The following MYO9A variants were observed in gnomAD, a reference collection of about 807,000 sequenced individuals.
MYO9A encodes myosin IXA.
Under a neutral mutation model 293.3 loss-of-function variants are expected in MYO9A, and 103 were observed. The observed-to-expected ratio is 0.35, with a 90% CI of 0.30 to 0.41. MYO9A has a LOEUF of 0.41. MYO9A is among the 10% of genes least tolerant of loss of function. The pLI, the probability that MYO9A is intolerant of heterozygous loss-of-function variation, is 1.00. For missense variants in MYO9A, 2,685 were observed against 3,033.0 expected, an observed-to-expected ratio of 0.89 and a Z score of 2.69; for synonymous variants, 1,001 against 1,035.7, an observed-to-expected ratio of 0.97 and a Z score of 0.64.
intron 1 of MYO9A, among the ~76,000 whole-genome samples, chr15:72,047,457 C>T (rs1008483418): frequency 6.6e-6 from 1 of 152,152 alleles, no homozygotes; most frequent in African/African-American, 2.4e-5. Flanking sequence ...GTATATTACA[C>T]TTCTAGAAGA....
intron 8 of MYO9A, among the ~76,000 whole-genome samples, chr15:72,004,778 A>G (rs2076971450): frequency 6.6e-6 from 1 of 152,230 alleles, no homozygotes; most frequent in South Asian, 2.1e-4. Context: ...AATAGGCATT[A>G]GTAAAGGCTC....
At chr15:72,093,382 A>T (rs1463447580) in intron 1 of MYO9A, among the ~76,000 whole-genome samples, 4 of 151,800 alleles carry the variant, frequency 2.6e-5, no homozygotes, top group Admixed American at 6.6e-5. Context: ...AAAATAAAAT[A>T]AAAAATAGCT....
chr15:71,850,765 C>CAAAAAAAAAAAAAAAAAAAAAAAA (rs780727961), intron 37 of MYO9A, among the ~76,000 whole-genome samples: 2 of 44,124 alleles, frequency 4.5e-5, no homozygotes, highest in African/African-American at 2.0e-4. Flanking sequence ...AACTGTGTCT[C>CAAAAAAAAAAAAAAAAAAAAAAAA]AAAAAAAAAA....
At position 71,897,550 on chromosome 15, in the gene MYO9A, C is replaced by A; in HGVS notation, c.4953G>T (p.Gln1651His). The A allele has an allele frequency of 6.2e-7, 1 of 1,614,152 alleles. No homozygotes were observed. Among genetic ancestry groups the A allele is most frequent in the African/African-American group, 1.3e-5 (1 of 75,034 alleles). Residue 1651 changes from glutamine to histidine, a missense_variant, in exon 25 of 42, where the codon CAG becomes CAT. Gln to His is a conservative substitution (Grantham distance 24). Transcript: ENST00000356056. ...ISKREHFRPT[Q>H]SYSHNSDDLS... ...GGTCATCAGAATTGTGGCTGTAAGA[C>A]TGAGTTGGCCTAAAGTGTTCTCTTT...
chr15:71,935,123 T>C (rs2058600984), intron 17 of MYO9A: 1 of 454,310 alleles, frequency 2.2e-6, no homozygotes. Context: ...CTCCTGGTAA[T>C]ATGGGGGAGA....
intron 15 of MYO9A, among the ~76,000 whole-genome samples, chr15:71,939,875 A>G (rs1254232037): frequency 2.0e-5 from 3 of 152,214 alleles, no homozygotes; most frequent in Non-Finnish European, 4.4e-5. Flanking sequence ...ATCCTATGGA[A>G]TAATTTAAAA....
chr15:71,943,163 T>C (rs1020007623), intron 15 of MYO9A, among the ~76,000 whole-genome samples: 1 of 152,032 alleles, frequency 6.6e-6, no homozygotes, highest in African/African-American at 2.4e-5. Context: ...TTTTCATTTA[T>C]TTCACTCTTT....
rs752211748 is a variant in MYO9A, at chr15:71,830,149, T to A, written c.7000A>T (p.Arg2334Ter). ...TTCTCAATCTGCTCAGTCAGTACTC[T>A]CTCCTCCTGCTGCATAGCTGCTTGC... ...QQQAAMQQEE[R>*]VLTEQIENLQ... The change falls in exon 40 of 42, where the codon AGA (arginine) becomes TGA (stop). Residue 2334 changes from arginine to a stop codon, truncating the protein, a stop_gained. Transcript: ENST00000356056. LOFTEE classifies it high-confidence loss of function. 1.2e-6 allele frequency: 2 copies of A among 1,614,098 alleles called. No homozygotes were observed. The highest frequency in any genetic ancestry group is 1.7e-5 in the Admixed American group (1 of 60,010).
chr15:72,046,318 T>C lies in MYO9A; in HGVS notation c.246A>G (p.Pro82=), dbSNP rs777047032. ...GGGGCCACAGCATCATTCGCTGAAC[T>C]GGACAATCTGTTGGATTGAGAATCC... ...EEWILNPTDC[P]VQRMMLWPRM... is the part of the protein sequence containing the mutation. Residue 82 remains proline (P), a synonymous_variant, in exon 2 of 42, where the codon CCA becomes CCG. Transcript: ENST00000356056. The C allele has an allele frequency of 1.7e-5, 28 of 1,614,076 alleles. No homozygotes were observed. Among genetic ancestry groups the C allele is most frequent in the Non-Finnish European group, 2.1e-5 (25 of 1,179,902 alleles).
At chr15:71,884,993 C>CATTATATA (rs1449214708) in intron 27 of MYO9A, among the ~76,000 whole-genome samples, 4 of 143,324 alleles carry the variant, frequency 2.8e-5, no homozygotes, top group Non-Finnish European at 6.0e-5. Context: ...AAGCTTATTA[C>CATTATATA]TAAACTCATA....
chr15:71,970,026 AATTCTC>A (rs2075971511), intron 12 of MYO9A, among the ~76,000 whole-genome samples: 1 of 152,214 alleles, frequency 6.6e-6, no homozygotes, highest in Non-Finnish European at 1.5e-5. Context: ...GTCCCAAGGT[AATTCTC>A]ATGAGCAGGC....
At chr15:72,025,998 G>A (rs1030925590) in intron 4 of MYO9A, among the ~76,000 whole-genome samples, 5 of 151,838 alleles carry the variant, frequency 3.3e-5, no homozygotes, top group East Asian at 1.9e-4. Flanking sequence ...ACATTTCCAC[G>A]GCCAGGCATG....
intron 1 of MYO9A, among the ~76,000 whole-genome samples, chr15:72,116,206 T>G (rs1176167886): frequency 6.6e-6 from 1 of 152,224 alleles, no homozygotes; most frequent in East Asian, 1.9e-4. Context: ...TTTACTACAT[T>G]ACTCTTCCGA....
Position 71,827,006 on chromosome 15 carries a change from G to C in MYO9A, c.7221C>G (p.Gly2407=). The C allele has an allele frequency of 6.2e-7, 1 of 1,606,004 alleles. No homozygotes were observed. Among genetic ancestry groups the C allele is most frequent in the Non-Finnish European group, 8.5e-7 (1 of 1,176,962 alleles). Residue 2407 remains glycine (G), a synonymous_variant, in exon 42 of 42, where the codon GGC becomes GGG. Transcript: ENST00000356056. ...SLALSSLKTA[G]KSEPSSKLRK... ...GCAACTTGCTGGAAGGTTCAGACTT[G>C]CCAGCTGTCTTCAGGGAGCTAAGGG...
intron 34 of MYO9A, among the ~76,000 whole-genome samples, chr15:71,854,832 T>C (rs1028404983): frequency 1.3e-5 from 2 of 152,128 alleles, no homozygotes; most frequent in African/African-American, 2.4e-5. Flanking sequence ...TATCAAAAAA[T>C]TGCTTCAAAA....
intron 1 of MYO9A, among the ~76,000 whole-genome samples, chr15:72,071,936 G>A (rs565964978): frequency 3.0e-4 from 45 of 150,878 alleles, no homozygotes; most frequent in African/African-American, 8.8e-4. Context: ...CAGGTGTGGC[G>A]GTATATGCCT....
intron 18 of MYO9A, among the ~76,000 whole-genome samples, chr15:71,923,198 C>T (rs1179780962): frequency 1.3e-5 from 2 of 152,122 alleles, no homozygotes; most frequent in African/African-American, 4.8e-5. Context: ...ATATGTTAAA[C>T]CATTCTTGCA....
intron 1 of MYO9A, among the ~76,000 whole-genome samples, chr15:72,077,381 G>T (rs1411431930): frequency 6.6e-6 from 1 of 152,026 alleles, no homozygotes; most frequent in Non-Finnish European, 1.5e-5. Flanking sequence ...ATATGATAAA[G>T]GACTAGTATT....
chr15:71,906,758 C>CTTTCTTTCTTT (rs765264146), intron 19 of MYO9A, among the ~76,000 whole-genome samples: 1 of 61,008 alleles, frequency 1.6e-5, no homozygotes, highest in African/African-American at 6.4e-5. Context: ...CCATTTCTTT[C>CTTTCTTTCTTT]TTTTTTTTTT....
Sources: allele counts gnomAD v4.1 joint callset (sites outside exome capture counted in the v4.1 genomes callset), GRCh38; gene constraint gnomAD v4.1.1; transcripts MANE v1.5; gene names NCBI Gene and HGNC (gene_info 2026-07-23, HGNC 2026-07-21).